The following PTPRM variants were observed in gnomAD, a reference collection of about 807,000 sequenced individuals.
The protein encoded by PTPRM is protein tyrosine phosphatase receptor type M, also known as receptor-type tyrosine-protein phosphatase mu.
Under a neutral mutation model 186.7 loss-of-function variants are expected in PTPRM, and 47 were observed. The ratio of observed to expected loss-of-function variants is 0.25; its 90% CI spans 0.20 to 0.32. PTPRM has a LOEUF of 0.32. PTPRM is among the 10% of genes least tolerant of loss of function. The pLI, the probability that PTPRM is intolerant of heterozygous loss-of-function variation, is 1.00. For synonymous variants in PTPRM, 668 were observed against 674.9 expected, an observed-to-expected ratio of 0.99 and a Z score of 0.16; for missense variants, 1,494 against 1,865.0, an observed-to-expected ratio of 0.80 and a Z score of 3.66.
intron 7 of PTPRM, among the ~76,000 whole-genome samples, chr18:8,014,548 G>T (rs2084741092): frequency 6.6e-6 from 1 of 152,102 alleles, no homozygotes; most frequent in Non-Finnish European, 1.5e-5. Flanking sequence ...GCCTTTTATG[G>T]ATACATAATG....
At chr18:7,830,450 G>A (rs754367526) in intron 2 of PTPRM, among the ~76,000 whole-genome samples, 18 of 152,216 alleles carry the variant, frequency 1.2e-4, no homozygotes, top group Non-Finnish European at 1.5e-5. Context: ...ACCACAAAAT[G>A]TACTTGCACA....
intron 14 of PTPRM, among the ~76,000 whole-genome samples, chr18:8,146,566 T>G (rs998669546): frequency 6.6e-6 from 1 of 152,066 alleles, no homozygotes; most frequent in Admixed American, 6.6e-5. Context: ...CTTTGTCAGA[T>G]GGATAGATTG....
chr18:7,775,956 A>G (rs915295063), intron 2 of PTPRM, among the ~76,000 whole-genome samples: 1 of 152,154 alleles, frequency 6.6e-6, no homozygotes, highest in Admixed American at 6.5e-5. Flanking sequence ...TTAAAATATT[A>G]AAATCATAGG....
At chr18:7,685,991 G>A (rs529415842) in intron 1 of PTPRM, among the ~76,000 whole-genome samples, 2 of 152,014 alleles carry the variant, frequency 1.3e-5, no homozygotes, top group Admixed American at 6.5e-5. Context: ...TCTAGTGGCA[G>A]GCCAGAAAAC....
chr18:8,296,233 A>G (rs1325410955), intron 19 of PTPRM, 135 bp from the exon 20 acceptor site: 1 of 618,804 alleles, frequency 1.6e-6, no homozygotes, highest in Non-Finnish European at 2.9e-6. Context: ...GTAGTGTAAT[A>G]ATCCCTTGTC....
chr18:8,162,747 T>C (rs2093254114), intron 14 of PTPRM, among the ~76,000 whole-genome samples: 1 of 152,218 alleles, frequency 6.6e-6, no homozygotes, highest in South Asian at 2.1e-4. Flanking sequence ...TATTTCCCTA[T>C]GTATCCATTC....
chr18:7,650,206 A>G (rs1318815512), intron 1 of PTPRM, among the ~76,000 whole-genome samples: 2 of 152,122 alleles, frequency 1.3e-5, no homozygotes, highest in Admixed American at 1.3e-4. Context: ...GTAGGTTTTC[A>G]TATCTTCAAG....
chr18:7,664,737 G>A (rs190886863), intron 1 of PTPRM, among the ~76,000 whole-genome samples: 2 of 152,294 alleles, frequency 1.3e-5, no homozygotes, highest in African/African-American at 4.8e-5. Context: ...TAACTCTTTT[G>A]TTGAGGGAAT....
chr18:8,240,659 AAG>A (rs1568584034), intron 14 of PTPRM, among the ~76,000 whole-genome samples: 6 of 24,372 alleles, frequency 2.5e-4, no homozygotes, highest in East Asian at 6.2e-4. Context: ...GAGAGAAAGA[AAG>A]AAAGAAAGAA....
chr18:7,625,012 A>G (rs1186879965), intron 1 of PTPRM, among the ~76,000 whole-genome samples: 3 of 152,190 alleles, frequency 2.0e-5, no homozygotes, highest in African/African-American at 7.2e-5. Context: ...TACTATTTTC[A>G]AGGAACTCAA....
chr18:8,166,524 G>C (rs1219920102), intron 14 of PTPRM, among the ~76,000 whole-genome samples: 1 of 152,136 alleles, frequency 6.6e-6, no homozygotes, highest in Non-Finnish European at 1.5e-5. Context: ...ATAAAAGCCA[G>C]ATTTACCTTG....
At chr18:8,343,989 G>A (rs1043916100) in intron 23 of PTPRM, among the ~76,000 whole-genome samples, 12 of 152,160 alleles carry the variant, frequency 7.9e-5, no homozygotes, top group Non-Finnish European at 8.8e-5. Flanking sequence ...GGAATGGAAA[G>A]CATCATCTTT....
intron 14 of PTPRM, among the ~76,000 whole-genome samples, chr18:8,163,303 C>A (rs974372805): frequency 2.0e-5 from 3 of 151,914 alleles, no homozygotes; most frequent in Non-Finnish European, 2.9e-5. Flanking sequence ...TTTTTTTTAA[C>A]CTGGAACTTT....
At chr18:8,221,024 G>A (rs1445669688) in intron 14 of PTPRM, among the ~76,000 whole-genome samples, 2 of 152,074 alleles carry the variant, frequency 1.3e-5, no homozygotes, top group African/African-American at 4.8e-5. Flanking sequence ...GATTGCCCTT[G>A]AAAAATAGAG....
chr18:8,107,982 T>TTA (rs1166869829), intron 11 of PTPRM, among the ~76,000 whole-genome samples: 1 of 152,142 alleles, frequency 6.6e-6, no homozygotes, highest in Non-Finnish European at 1.5e-5. Context: ...ATCAGGTTGT[T>TTA]TAGAGTATTA....
chr18:7,909,723 C>T (rs917018062), intron 4 of PTPRM, among the ~76,000 whole-genome samples: 1 of 109,560 alleles, frequency 9.1e-6, no homozygotes, highest in Admixed American at 8.6e-5. Context: ...TGTAAAGGCT[C>T]TTGTTTGGAT....
chr18:8,027,925 C>T (rs962707600), intron 7 of PTPRM, among the ~76,000 whole-genome samples: 1 of 152,164 alleles, frequency 6.6e-6, no homozygotes, highest in African/African-American at 2.4e-5. Context: ...CCTCTGTCTA[C>T]CCCATCCCTT....
intron 14 of PTPRM, among the ~76,000 whole-genome samples, chr18:8,208,810 C>G (rs1279901037): frequency 6.6e-6 from 1 of 152,212 alleles, no homozygotes; most frequent in African/African-American, 2.4e-5. Context: ...CTGCATCCTG[C>G]CAAGGCCTTA....
intron 7 of PTPRM, among the ~76,000 whole-genome samples, chr18:8,061,897 C>T (rs1429042014): frequency 3.5e-5 from 1 of 28,260 alleles, no homozygotes; most frequent in East Asian, 5.4e-4. Context: ...AACATTTTTT[C>T]CTTCATTTCA....
Sources: gnomAD v4.1 joint callset for allele counts (sites outside exome capture counted in the v4.1 genomes callset) on GRCh38, gnomAD v4.1.1 for gene constraint, MANE v1.5 for transcripts, NCBI Gene and HGNC (gene_info 2026-07-23, HGNC 2026-07-21) for gene names.